Variants in SLC30A7 observed in about 807,000 individuals in gnomAD.
SLC30A7 encodes the protein solute carrier family 30 member 7.
SLC30A7 carries 35 observed loss-of-function variants against 46.0 expected under a neutral mutation model. The ratio of observed to expected loss-of-function variants is 0.76; its 90% CI spans 0.58 to 1.01. The LOEUF (loss-of-function observed/expected upper bound fraction) is 1.01, where lower values mean the gene tolerates loss of function less well. Ranked by LOEUF, SLC30A7 falls within the 50% of genes least tolerant of loss-of-function variation. The pLI is 0.00. For synonymous variants in SLC30A7, 147 were observed against 157.8 expected (o/e 0.93, Z 0.51); for missense variants, 464 against 451.1 (o/e 1.03, Z -0.26).
intron 8 of SLC30A7, among the ~76,000 whole-genome samples, chr1:100,940,762 A>G (rs1025827459): frequency 6.6e-5 from 10 of 152,264 alleles, no homozygotes; most frequent in Admixed American, 4.6e-4. Flanking sequence ...AAAACCCTTC[A>G]GTGGACTGTT....
chr1:100,900,119 G>A (rs147506547), intron 2 of SLC30A7, among the ~76,000 whole-genome samples: 2 of 152,218 alleles, frequency 1.3e-5, no homozygotes, highest in East Asian at 1.9e-4. Flanking sequence ...AGCACCTATT[G>A]TCCAAGTTTG....
chr1:100,912,886 A>G (rs1652204881), intron 5 of SLC30A7, among the ~76,000 whole-genome samples: 1 of 147,602 alleles, frequency 6.8e-6, no homozygotes, highest in African/African-American at 2.5e-5. Context: ...TAAAAAAAAA[A>G]AAAAGTGTGT....
chr1:100,966,260 A>G (rs191648216), intron 10 of SLC30A7, among the ~76,000 whole-genome samples: 1 of 151,174 alleles, frequency 6.6e-6, no homozygotes, highest in Non-Finnish European at 1.5e-5. Context: ...TAATAAATAT[A>G]TATACTACTG....
In SLC30A7 at chr1:100,978,570, T is replaced by C. The variant is rs1188129399; in HGVS notation, c.*3713T>C. The C allele has an allele frequency of 2.6e-5, 4 of 152,102 alleles. No homozygotes were observed. Among genetic ancestry groups the C allele is most frequent in the African/African-American group, 4.8e-5 (2 of 41,410 alleles). The allele number at this position is 152,102 out of a possible 1,614,324, so 9.4% of individuals were successfully genotyped here. ...CATTTGCTCAAAGTCACAGAGAAAA[T>C]TAGTGGCAAAGCCAAAAAGATTCAG... On this transcript the variant is annotated 3_prime_UTR_variant, in exon 11 of 11. Coordinates refer to ENST00000357650, the MANE Select transcript of SLC30A7 (RefSeq NM_133496.5).
At chr1:100,961,771 G>T in intron 8 of SLC30A7, 57 bp from the exon 9 acceptor site, 2 of 1,025,714 alleles carry the variant, frequency 1.9e-6, no homozygotes, top group East Asian at 5.2e-5. Flanking sequence ...TTACTTTCTT[G>T]CTGGATGGGA....
intron 2 of SLC30A7, among the ~76,000 whole-genome samples, chr1:100,900,063 T>C (rs1651206941): frequency 6.6e-6 from 1 of 151,832 alleles, no homozygotes; most frequent in Non-Finnish European, 1.5e-5. Context: ...AGTTGGAAAA[T>C]TGAGGCCTAG....
At chr1:100,914,768 T>G (rs1326401690) in intron 6 of SLC30A7, among the ~76,000 whole-genome samples, 1 of 152,172 alleles carries the variant, frequency 6.6e-6, no homozygotes, top group Non-Finnish European at 1.5e-5. Flanking sequence ...ATTGAAAATA[T>G]GAAAGGGACC....
At chr1:100,992,520 G>T in the SLC30A7 span, 1 of 672,270 alleles carries the variant, frequency 1.5e-6, no homozygotes, top group Non-Finnish European at 2.4e-6. Flanking sequence ...ACAAGAAATA[G>T]TACAATACAA....
intron 8 of SLC30A7, among the ~76,000 whole-genome samples, chr1:100,936,537 T>C (rs1653976269): frequency 6.6e-6 from 1 of 152,208 alleles, no homozygotes; most frequent in Non-Finnish European, 1.5e-5. Context: ...CAAGTATCTT[T>C]TCCTTAGAAA....
chr1:100,949,682 C>T (rs1643966321), intron 8 of SLC30A7, among the ~76,000 whole-genome samples: 1 of 152,174 alleles, frequency 6.6e-6, no homozygotes, highest in South Asian at 2.1e-4. Flanking sequence ...GTTTGAGCTT[C>T]CTGGCTGTTT....
At chr1:100,993,469 T>C in the SLC30A7 span, among the ~76,000 whole-genome samples, 9 of 149,476 alleles carry the variant, frequency 6.0e-5, no homozygotes, top group East Asian at 1.6e-3. Context: ...GGAGAATCAA[T>C]TGAACCCGGG....
chr1:100,901,527 T>G (rs1392758650), intron 2 of SLC30A7, among the ~76,000 whole-genome samples: 2 of 152,204 alleles, frequency 1.3e-5, no homozygotes, highest in African/African-American at 4.8e-5. Context: ...CGATCTTGGC[T>G]TACTGCAACC....
the SLC30A7 span, chr1:100,992,888 C>T: frequency 3.5e-4 from 180 of 509,444 alleles, no homozygotes; most frequent in South Asian, 1.2e-3. Context: ...TAAGCATACA[C>T]AAAAGCATGA....
chr1:100,929,126 A>G (rs957014605), intron 8 of SLC30A7, among the ~76,000 whole-genome samples: 14 of 151,942 alleles, frequency 9.2e-5, no homozygotes, highest in Non-Finnish European at 1.3e-4. Context: ...GTGCCTGTAC[A>G]CACCAGATCC....
Position 100,979,098 on chromosome 1 carries a change from A to G in SLC30A7, c.*4241A>G, listed in dbSNP as rs1656746785. The G allele has an allele frequency of 6.6e-6, 1 of 152,178 alleles. No homozygotes were observed. Among genetic ancestry groups the G allele is most frequent in the South Asian group, 2.1e-4 (1 of 4,830 alleles). 9.4% of individuals were successfully genotyped at this position (152,178 alleles called of 1,614,324 possible). The stretch of plus-strand genomic sequence containing the variant: ...TTAGAGCCATGCAAAACTGGGCATT[A>G]AATGTTGCATAAAGCAAATCTTTTA... On this transcript the variant is annotated 3_prime_UTR_variant, in exon 11 of 11. Coordinates refer to ENST00000357650, the MANE Select transcript of SLC30A7 (RefSeq NM_133496.5).
chr1:100,905,349 C>T (rs986708808), intron 2 of SLC30A7, among the ~76,000 whole-genome samples: 1 of 151,220 alleles, frequency 6.6e-6, no homozygotes, highest in African/African-American at 2.4e-5. Flanking sequence ...TTTTTTATTT[C>T]TCTTTGATGT....
At chr1:100,909,336 A>G (rs1013431389) in intron 3 of SLC30A7, among the ~76,000 whole-genome samples, 2 of 152,132 alleles carry the variant, frequency 1.3e-5, no homozygotes, top group Non-Finnish European at 2.9e-5. Context: ...ATTTCTTTAT[A>G]TAAAAGTCAT....
chr1:100,929,183 T>C (rs2101042605), intron 8 of SLC30A7, among the ~76,000 whole-genome samples: 1 of 152,210 alleles, frequency 6.6e-6, no homozygotes, highest in East Asian at 1.9e-4. Context: ...AGAATGTTAA[T>C]TGGCTCTCTC....
At chr1:100,918,840 G>GC (rs1255780874) in intron 7 of SLC30A7, among the ~76,000 whole-genome samples, 1 of 148,086 alleles carries the variant, frequency 6.8e-6, no homozygotes, top group African/African-American at 2.4e-5. Flanking sequence ...GCCTGCTGTT[G>GC]CTGCCCAGCA....
Sources: allele counts gnomAD v4.1 joint callset (sites outside exome capture counted in the v4.1 genomes callset), GRCh38; gene constraint gnomAD v4.1.1; transcripts MANE v1.5; gene names NCBI Gene and HGNC (gene_info 2026-07-23, HGNC 2026-07-21).